The following DIAPH2 variants were observed in gnomAD, a reference collection of about 807,000 sequenced individuals.
DIAPH2 encodes protein diaphanous homolog 2.
DIAPH2 carries 35 observed loss-of-function variants against 92.7 expected under a neutral mutation model. The observed-to-expected ratio is 0.38, with a 90% CI of 0.29 to 0.50. The LOEUF (loss-of-function observed/expected upper bound fraction) is 0.50, where lower values mean the gene tolerates loss of function less well. DIAPH2 is among the 20% of genes least tolerant of loss of function. The pLI is 0.94. For synonymous variants in DIAPH2, 301 were observed against 280.4 expected, an observed-to-expected ratio of 1.07 and a Z score of -0.73; for missense variants, 701 against 819.5, an observed-to-expected ratio of 0.86 and a Z score of 1.77.
chrX:97,075,575 G>A (rs1482370931), intron 19 of DIAPH2, among the ~76,000 whole-genome samples: 1 of 111,674 alleles, frequency 9.0e-6, no homozygotes, highest in Non-Finnish European at 1.9e-5. Flanking sequence ...CAAAATGGCT[G>A]CATTAAGTGT....
chrX:97,143,289 G>C (rs1005607211), intron 22 of DIAPH2, among the ~76,000 whole-genome samples: 1 of 108,644 alleles, frequency 9.2e-6, no homozygotes, highest in African/African-American at 3.3e-5. Flanking sequence ...AATTTGAAAT[G>C]TATATATATA....
At chrX:97,175,427 A>G (rs190856323) in intron 22 of DIAPH2, among the ~76,000 whole-genome samples, 216 of 111,972 alleles carry the variant, frequency 1.9e-3, no homozygotes, top group African/African-American at 6.6e-3. Context: ...AGAAGAAAAA[A>G]TGTAAAAAGT....
intron 24 of DIAPH2, among the ~76,000 whole-genome samples, chrX:97,367,663 C>T (rs1187580791): frequency 9.2e-6 from 1 of 109,190 alleles, no homozygotes; most frequent in Non-Finnish European, 1.9e-5. Context: ...CCAGAATAGC[C>T]TAGGATAGAA....
intron 17 of DIAPH2, among the ~76,000 whole-genome samples, chrX:97,007,150 T>C (rs2066188762): frequency 8.9e-6 from 1 of 111,935 alleles, no homozygotes; most frequent in African/African-American, 3.2e-5. Flanking sequence ...AAAATTGTTG[T>C]AGTTATTATT....
chrX:96,803,395 A>C (rs1480322855), intron 4 of DIAPH2, among the ~76,000 whole-genome samples: 1 of 112,034 alleles, frequency 8.9e-6, no homozygotes, highest in Admixed American at 9.5e-5. Context: ...AGAAAAATTC[A>C]TACAGAAAAT....
chrX:96,881,095 A>C (rs1376958262), intron 4 of DIAPH2, among the ~76,000 whole-genome samples: 2 of 111,455 alleles, frequency 1.8e-5, no homozygotes, highest in Non-Finnish European at 3.8e-5. Flanking sequence ...AACTGTTTTC[A>C]CTTATTTTTT....
intron 17 of DIAPH2, among the ~76,000 whole-genome samples, chrX:97,019,849 G>A (rs1224371014): frequency 9.0e-6 from 1 of 111,582 alleles, no homozygotes; most frequent in African/African-American, 3.3e-5. Context: ...AAAGTCTTCT[G>A]CTAAAAAAAC....
chrX:97,293,632 G>C (rs2068618506), intron 23 of DIAPH2, among the ~76,000 whole-genome samples: 1 of 111,742 alleles, frequency 8.9e-6, no homozygotes, highest in South Asian at 3.7e-4. Context: ...TTTTATAATA[G>C]ATATAACAAG....
chrX:97,100,913 A>G (rs941579975), intron 20 of DIAPH2, among the ~76,000 whole-genome samples: 6 of 111,958 alleles, frequency 5.4e-5, no homozygotes, highest in African/African-American at 1.9e-4. Flanking sequence ...CATTGACTGC[A>G]CTTATATAGA....
At position 96,952,736 on chromosome X, in the gene DIAPH2, A is replaced by G. The variant is rs745364150; in HGVS notation, c.1614+3697A>G. On this transcript the variant is annotated intron_variant, in intron 15 of 26. Coordinates refer to ENST00000324765, the MANE Select transcript of DIAPH2 (RefSeq NM_006729.5). ...GGCAACAAGAGCAAAACTCTGTCTC[A>G]AAAATAAAATAAAATAAAATAAAAT... Among the ~76,000 whole-genome samples the G allele has an allele frequency of 2.7e-5, 3 of 110,552 alleles. No homozygotes were observed. In the Admixed American group the frequency reaches 2.9e-4, roughly 11 times the overall value.
intron 21 of DIAPH2, among the ~76,000 whole-genome samples, chrX:97,129,990 A>G (rs930390293): frequency 2.7e-5 from 3 of 112,405 alleles, no homozygotes. Flanking sequence ...CAGATGGCCA[A>G]TAAACACAGG....
chrX:97,084,890 A>G (rs1016447902), intron 19 of DIAPH2, among the ~76,000 whole-genome samples: 3 of 111,899 alleles, frequency 2.7e-5, no homozygotes, highest in African/African-American at 9.7e-5. Flanking sequence ...CCACTTAAAT[A>G]AATGAAACAA....
chrX:97,131,784 A>G (rs1376219905), intron 21 of DIAPH2, among the ~76,000 whole-genome samples: 1 of 112,565 alleles, frequency 8.9e-6, no homozygotes, highest in Non-Finnish European at 1.9e-5. Context: ...TAAGCCAACT[A>G]TAGACAGGAT....
At chrX:97,174,180 T>G (rs1786753596) in intron 22 of DIAPH2, among the ~76,000 whole-genome samples, 1 of 109,050 alleles carries the variant, frequency 9.2e-6, no homozygotes, top group Admixed American at 1.0e-4. Flanking sequence ...ACATAAATCC[T>G]GATAGGTAAG....
At chrX:97,553,708 G>T (rs1164330145) in intron 26 of DIAPH2, among the ~76,000 whole-genome samples, 1 of 109,131 alleles carries the variant, frequency 9.2e-6, no homozygotes, top group East Asian at 2.9e-4. Context: ...GAAAATGGCT[G>T]GGAAAGCATA....
intron 4 of DIAPH2, among the ~76,000 whole-genome samples, chrX:96,848,100 C>T (rs752354035): frequency 1.4e-4 from 15 of 110,055 alleles, no homozygotes; most frequent in Admixed American, 3.9e-4. Flanking sequence ...AGTGCAATGG[C>T]GCAATCATAG....
chrX:97,092,348 G>A (rs1351431164), intron 19 of DIAPH2, among the ~76,000 whole-genome samples: 1 of 112,735 alleles, frequency 8.9e-6, no homozygotes, highest in Non-Finnish European at 1.9e-5. Context: ...CTATTCTAAA[G>A]TATCTCTATG....
chrX:96,772,860 T>A (rs1379594233), intron 4 of DIAPH2, among the ~76,000 whole-genome samples: 2 of 112,903 alleles, frequency 1.8e-5, no homozygotes, highest in Non-Finnish European at 3.7e-5. Context: ...GCTTGTGCAA[T>A]GTAACTCTTG....
intron 26 of DIAPH2, among the ~76,000 whole-genome samples, chrX:97,504,550 G>C (rs755108191): frequency 8.9e-6 from 1 of 112,149 alleles, no homozygotes; most frequent in East Asian, 2.8e-4. Context: ...ATGTAAGTCA[G>C]CTGCCAGGCA....
Sources: allele counts gnomAD v4.1 joint callset (sites outside exome capture counted in the v4.1 genomes callset), GRCh38; gene constraint gnomAD v4.1.1; transcripts MANE v1.5; gene names NCBI Gene and HGNC (gene_info 2026-07-23, HGNC 2026-07-21).